PIK3C2G: variants seen among roughly 807,000 people sequenced by gnomAD.
PIK3C2G encodes phosphatidylinositol-4-phosphate 3-kinase catalytic subunit type 2 gamma.
In PIK3C2G, 168 loss-of-function variants were observed where a neutral mutation model predicts 181.1. The observed-to-expected ratio is 0.93, with a 90% CI of 0.82 to 1.05. The LOEUF (loss-of-function observed/expected upper bound fraction) is 1.05. Among genes scored for constraint, PIK3C2G ranks in the 50% least tolerant of loss-of-function variants. The probability of loss-of-function intolerance (pLI) is 0.00; values close to 1 mark genes in which losing one functional copy is unlikely to be tolerated. For missense variants in PIK3C2G, 1,869 were observed against 1,732.8 expected (o/e 1.08, Z -1.40); for synonymous variants, 573 against 592.2 (o/e 0.97, Z 0.47).
At chr12:18,684,802 C>T in the PIK3C2G span, among the ~76,000 whole-genome samples, 4 of 151,948 alleles carry the variant, frequency 2.6e-5, no homozygotes, top group Non-Finnish European at 5.9e-5. Context: ...GAATTGTAAT[C>T]CCCAGGTGTT....
intron 3 of PIK3C2G, among the ~76,000 whole-genome samples, chr12:18,287,424 T>A (rs1949494286): frequency 1.3e-5 from 2 of 152,318 alleles, no homozygotes; most frequent in South Asian, 4.1e-4. Flanking sequence ...TCCAAAAAAA[T>A]CACTGATATT....
chr12:18,318,708 T>C (rs1274241591), intron 6 of PIK3C2G, among the ~76,000 whole-genome samples: 1 of 151,806 alleles, frequency 6.6e-6, no homozygotes, highest in Non-Finnish European at 1.5e-5. Context: ...CAATTCATCT[T>C]AGATAATATT....
At chr12:18,576,010 T>C (rs1436597157) in intron 29 of PIK3C2G, among the ~76,000 whole-genome samples, 4 of 152,248 alleles carry the variant, frequency 2.6e-5, no homozygotes, top group South Asian at 2.1e-4. Flanking sequence ...TTTATTCTTA[T>C]ATCTTATCAA....
At chr12:18,653,499 G>T in the PIK3C2G span, among the ~76,000 whole-genome samples, 2 of 152,130 alleles carry the variant, frequency 1.3e-5, no homozygotes, top group African/African-American at 4.8e-5. Flanking sequence ...ACAAGCTCTA[G>T]TAAATTTGTA....
At chr12:18,565,910 T>A (rs865809899) in intron 28 of PIK3C2G, among the ~76,000 whole-genome samples, 1 of 152,150 alleles carries the variant, frequency 6.6e-6, no homozygotes, top group African/African-American at 2.4e-5. Context: ...AAAAAAACTA[T>A]GCATATATGG....
Position 18,330,655 on chromosome 12 carries a change from A to G in PIK3C2G, c.1272+5557A>G, listed in dbSNP as rs533042986. On this transcript the variant is annotated intron_variant, in intron 8 of 32. Transcript: ENST00000538779. Reference sequence around the variant, plus strand: ...AAGTTGAACTATATATCCTCTTGTTATCAAATTGTGAGGGTCCAGAACCTT... The same window carrying G: ...AAGTTGAACTATATATCCTCTTGTTGTCAAATTGTGAGGGTCCAGAACCTT... Among the ~76,000 whole-genome samples, 73 of 152,220 alleles carry G rather than the reference A, an allele frequency of 4.8e-4. 1 individual carries two copies. Among genetic ancestry groups the G allele is most frequent in the African/African-American group, 1.4e-3 (59 of 41,518 alleles).
chr12:18,704,430 A>T, the PIK3C2G span, among the ~76,000 whole-genome samples: 1 of 152,164 alleles, frequency 6.6e-6, no homozygotes, highest in Admixed American at 6.5e-5. Context: ...GGTTCAAGCG[A>T]TTCTCCTGCC....
chr12:18,725,949 T>C, the PIK3C2G span, among the ~76,000 whole-genome samples: 1 of 152,234 alleles, frequency 6.6e-6, no homozygotes, highest in African/African-American at 2.4e-5. Context: ...CACTTTCTTC[T>C]CTTACAGGCC....
intron 18 of PIK3C2G, among the ~76,000 whole-genome samples, chr12:18,475,633 T>C (rs1592354225): frequency 6.6e-6 from 1 of 152,170 alleles, no homozygotes; most frequent in African/African-American, 2.4e-5. Context: ...AATCCTCAAA[T>C]CACAATATGA....
intron 23 of PIK3C2G, among the ~76,000 whole-genome samples, chr12:18,504,045 G>A (rs1356275565): frequency 1.3e-5 from 2 of 152,134 alleles, no homozygotes; most frequent in Admixed American, 6.5e-5. Flanking sequence ...CCACCCAGAG[G>A]AAGGAGCACC....
intron 24 of PIK3C2G, among the ~76,000 whole-genome samples, chr12:18,524,317 T>C (rs1446889049): frequency 6.6e-6 from 1 of 152,208 alleles, no homozygotes; most frequent in Admixed American, 6.5e-5. Flanking sequence ...TACTGTGTAA[T>C]CATAGCCCTT....
chr12:18,465,314 A>G (rs1306376355), intron 18 of PIK3C2G, among the ~76,000 whole-genome samples: 2 of 151,908 alleles, frequency 1.3e-5, no homozygotes, highest in African/African-American at 4.8e-5. Flanking sequence ...TATTGGTGTT[A>G]GGTATCAGAG....
At chr12:18,594,627 G>A in intron 30 of PIK3C2G, 58 bp downstream of exon 30, 2 of 883,328 alleles carry the variant, frequency 2.3e-6, no homozygotes, top group Non-Finnish European at 3.4e-6. Flanking sequence ...TGGACAAAAA[G>A]ATATCACAAC....
intron 2 of PIK3C2G, chr12:18,285,405 G>A (rs1011532748): frequency 6.6e-6 from 1 of 152,096 alleles, no homozygotes; most frequent in Non-Finnish European, 1.5e-5. Flanking sequence ...ATGGAATCTA[G>A]GAAAGAGTGA....
At chr12:18,255,243 A>ATAAG (rs1948134011) in intron 1 of PIK3C2G, among the ~76,000 whole-genome samples, 1 of 149,912 alleles carries the variant, frequency 6.7e-6, no homozygotes, top group Admixed American at 6.7e-5. Context: ...AAATAAATAA[A>ATAAG]TAAATAAATA....
chr12:18,628,861 G>A (rs1040340259), intron 31 of PIK3C2G, among the ~76,000 whole-genome samples: 1 of 152,112 alleles, frequency 6.6e-6, no homozygotes, highest in East Asian at 1.9e-4. Context: ...GGAGGCTGAG[G>A]CAGGAGGATT....
At chr12:18,679,778 C>T in the PIK3C2G span, among the ~76,000 whole-genome samples, 1 of 151,920 alleles carries the variant, frequency 6.6e-6, no homozygotes, top group African/African-American at 2.4e-5. Context: ...AAATTATGTA[C>T]ACATGGAAAG....
intron 18 of PIK3C2G, among the ~76,000 whole-genome samples, chr12:18,439,433 C>T (rs1011515797): frequency 2.6e-5 from 4 of 152,032 alleles, no homozygotes; most frequent in Middle Eastern, 3.4e-3. Context: ...TCTTTTAAAG[C>T]GTTATTTAAT....
At chr12:18,713,121 G>A in the PIK3C2G span, 1 of 1,206,730 alleles carries the variant, frequency 8.3e-7, no homozygotes, top group Admixed American at 2.2e-5. Context: ...ATAAAAACTT[G>A]TCTTTGGGAC....
Sources: gnomAD v4.1 joint callset for allele counts (sites outside exome capture counted in the v4.1 genomes callset) on GRCh38, gnomAD v4.1.1 for gene constraint, MANE v1.5 for transcripts, NCBI Gene and HGNC (gene_info 2026-07-23, HGNC 2026-07-21) for gene names.